Variants in SEPTIN6 observed in about 807,000 individuals in gnomAD.
SEPTIN6 encodes septin-6.
In SEPTIN6, 8 loss-of-function variants were observed where a neutral mutation model predicts 33.6. The observed-to-expected ratio is 0.24, with a 90% CI of 0.14 to 0.43. The LOEUF is 0.43. Among genes scored for constraint, SEPTIN6 ranks in the 20% least tolerant of loss-of-function variants. SEPTIN6 has a pLI of 1.00. For missense variants in SEPTIN6, 250 were observed against 340.8 expected, an observed-to-expected ratio of 0.73 and a Z score of 2.10; for synonymous variants, 131 against 140.0, an observed-to-expected ratio of 0.94 and a Z score of 0.45.
At chrX:119,623,488 T>C (rs1185842684) in intron 10 of SEPTIN6, among the ~76,000 whole-genome samples, 7 of 111,991 alleles carry the variant, frequency 6.3e-5, no homozygotes, top group Non-Finnish European at 1.3e-4. Flanking sequence ...TGAACTGTAT[T>C]ATCCTCTTAT....
chrX:119,669,220 C>T (rs975285358), intron 2 of SEPTIN6, among the ~76,000 whole-genome samples: 46 of 113,283 alleles, frequency 4.1e-4, no homozygotes, highest in Non-Finnish European at 1.3e-4. Context: ...TGTGCTCTAG[C>T]GAGACGCATA....
chrX:119,632,502 CA>C (rs1283399045), intron 8 of SEPTIN6, among the ~76,000 whole-genome samples: 5 of 107,256 alleles, frequency 4.7e-5, no homozygotes, highest in Non-Finnish European at 9.8e-5. Context: ...AGCCAACAGA[CA>C]TTTTTTTTTT....
chrX:119,626,299 A>G (rs751253976), intron 9 of SEPTIN6, among the ~76,000 whole-genome samples: 1 of 111,770 alleles, frequency 8.9e-6, no homozygotes, highest in South Asian at 3.7e-4. Flanking sequence ...GGAAAGCTTG[A>G]TGTAAGAAGA....
intron 1 of SEPTIN6, among the ~76,000 whole-genome samples, chrX:119,677,388 G>A (rs1209309802): frequency 8.9e-6 from 1 of 112,334 alleles, no homozygotes; most frequent in African/African-American, 3.2e-5. Flanking sequence ...ACCAACCAAC[G>A]GCCACAGGGG....
At chrX:119,632,031 G>A (rs2053971187) in intron 8 of SEPTIN6, among the ~76,000 whole-genome samples, 1 of 110,043 alleles carries the variant, frequency 9.1e-6, no homozygotes, top group African/African-American at 3.3e-5. Context: ...AAAGTGCTGG[G>A]ATTACAGGTG....
chrX:119,659,120 T>C (rs1180243537), intron 3 of SEPTIN6, among the ~76,000 whole-genome samples: 1 of 112,259 alleles, frequency 8.9e-6, no homozygotes, highest in African/African-American at 3.2e-5. Flanking sequence ...CTGTTTTTAG[T>C]CCAATGGGAA....
At chrX:119,652,761 G>A (rs1156625314) in intron 4 of SEPTIN6, 93 bp downstream of exon 4, 1 of 719,192 alleles carries the variant, frequency 1.4e-6, no homozygotes, top group Non-Finnish European at 2.1e-6. Flanking sequence ...AGAGGATGAG[G>A]ATGCCACAAA....
rs747586423 is a variant in SEPTIN6 at position 119,653,011 on chromosome X, G to A, written c.371C>T (p.Ala124Val). 2 of 1,210,157 alleles carry A rather than the reference G, an allele frequency of 1.7e-6. No individual in the cohort carries two copies. Among genetic ancestry groups the A allele is most frequent in the Non-Finnish European group, 2.2e-6 (2 of 894,526 alleles). Residue 124 changes from alanine (A) to valine (V), a missense_variant, in exon 4 of 11, where the codon GCA becomes GTA. Around this residue, in one of 2 missense-constraint regions of SEPTIN6, gnomAD observed 111 missense variants for 113.8 expected, o/e 0.98. Transcript: ENST00000394610. ...TTCCTGCAGGTAGGCCTCGAATTGT[G>A]CATCGATGAATTCCACGATAGGCTT... Reference protein sequence around the residue: ...SYKPIVEFIDAQFEAYLQEEL... With the variant: ...SYKPIVEFIDVQFEAYLQEEL...
intron 10 of SEPTIN6, chrX:119,624,150 T>C (rs2053818067): frequency 4.2e-6 from 1 of 239,032 alleles, no homozygotes; most frequent in South Asian, 3.9e-5. Flanking sequence ...ATGGGTTTTT[T>C]TTTTTTGTTT....
chrX:119,631,488 C>T (rs1010474885), intron 8 of SEPTIN6, among the ~76,000 whole-genome samples: 4 of 111,613 alleles, frequency 3.6e-5, no homozygotes, highest in African/African-American at 1.3e-4. Flanking sequence ...CCTAAAGCAG[C>T]TCTTACTAGT....
At chrX:119,664,920 G>A (rs2054610022) in intron 2 of SEPTIN6, among the ~76,000 whole-genome samples, 1 of 105,527 alleles carries the variant, frequency 9.5e-6, no homozygotes, top group Non-Finnish European at 1.9e-5. Context: ...TCTCCTCCCT[G>A]CCAGGCCTAA....
chrX:119,668,153 G>A (rs2054677246), intron 2 of SEPTIN6, among the ~76,000 whole-genome samples: 1 of 110,001 alleles, frequency 9.1e-6, no homozygotes, highest in Non-Finnish European at 1.9e-5. Context: ...AAAATTAGCC[G>A]TGCATGGTGG....
At chrX:119,638,845 C>T (rs1419261915) in intron 6 of SEPTIN6, among the ~76,000 whole-genome samples, 1 of 112,288 alleles carries the variant, frequency 8.9e-6, no homozygotes, top group Non-Finnish European at 1.9e-5. Flanking sequence ...TATACAACTT[C>T]TTCCTCATTC....
At chrX:119,660,585 A>C (rs1306865178) in intron 3 of SEPTIN6, among the ~76,000 whole-genome samples, 2 of 112,233 alleles carry the variant, frequency 1.8e-5, no homozygotes, top group East Asian at 2.8e-4. Flanking sequence ...TGTTGAATGT[A>C]TGTAACTGAA....
At chrX:119,674,368 G>A (rs1017417583) in intron 2 of SEPTIN6, among the ~76,000 whole-genome samples, 17 of 109,799 alleles carry the variant, frequency 1.5e-4, no homozygotes, top group Non-Finnish European at 3.0e-4. Context: ...TAGTAGAGAC[G>A]GGGTTTCACC....
At chrX:119,646,032 C>T (rs186894799) in intron 5 of SEPTIN6, among the ~76,000 whole-genome samples, 111 of 111,908 alleles carry the variant, frequency 9.9e-4, no homozygotes, top group African/African-American at 3.6e-3. Context: ...ACTGCTTAGC[C>T]CAGTGAAATA....
chrX:119,674,535 G>A (rs2054809924), intron 2 of SEPTIN6, among the ~76,000 whole-genome samples: 1 of 111,799 alleles, frequency 8.9e-6, no homozygotes, highest in Non-Finnish European at 1.9e-5. Context: ...GGTGCTCAGT[G>A]GTTTCCAAAG....
intron 5 of SEPTIN6, chrX:119,646,804 C>A: frequency 3.2e-6 from 1 of 313,607 alleles, no homozygotes; most frequent in Non-Finnish European, 6.8e-6. Flanking sequence ...AATGAAAGAC[C>A]AGCACCAATT....
Position 119,672,072 on chromosome X carries a change from G to A in SEPTIN6, c.145+3482C>T, listed in dbSNP as rs148863234. On this transcript the variant is annotated intron_variant, in intron 2 of 10. Coordinates refer to ENST00000394610, the MANE Select transcript of SEPTIN6 (RefSeq NM_145799.4). ...ACAGGGTGGTGAGCACAGCAAGAGG[G>A]CAGGATGCGTGCATTGCAGGGTTTT... Among the ~76,000 whole-genome samples, 63 of 112,124 alleles carry A rather than the reference G, an allele frequency of 5.6e-4. No individual in the cohort carries two copies. In the East Asian group the frequency reaches 0.013, roughly 24 times the overall value.
Sources: allele counts gnomAD v4.1 joint callset (sites outside exome capture counted in the v4.1 genomes callset), GRCh38; gene constraint gnomAD v4.1.1; regional missense constraint gnomAD v4.1.1; transcripts MANE v1.5; gene names NCBI Gene and HGNC (gene_info 2026-07-23, HGNC 2026-07-21).